CIP2A: variants seen among roughly 807,000 people sequenced by gnomAD.
CIP2A encodes the protein protein CIP2A.
A neutral mutation model predicts 110.9 loss-of-function variants in CIP2A; 103 were observed. The observed-to-expected ratio is 0.93, with a 90% CI of 0.79 to 1.09. CIP2A has a LOEUF of 1.09. Among genes scored for constraint, CIP2A ranks in the 50% least tolerant of loss-of-function variants. The probability of loss-of-function intolerance (pLI) is 0.00; values close to 1 mark genes in which losing one functional copy is unlikely to be tolerated. For missense variants in CIP2A, 1,088 were observed against 1,038.4 expected, an observed-to-expected ratio of 1.05 and a Z score of -0.66; for synonymous variants, 381 against 361.6, an observed-to-expected ratio of 1.05 and a Z score of -0.61.
At chr3:108,557,545 T>C (rs1278633804) in intron 16 of CIP2A, 131 bp from the exon 17 acceptor site, 1 of 564,082 alleles carries the variant, frequency 1.8e-6, no homozygotes, top group East Asian at 2.8e-5. Flanking sequence ...GCTGTATTAG[T>C]CACATATACT....
At position 108,559,808 on chromosome 3, in the gene CIP2A, A is replaced by T. The variant is rs1255662588; in HGVS notation, c.1962T>A (p.Ala654=). 2 of 1,605,680 alleles carry T rather than the reference A, an allele frequency of 1.2e-6. No individual in the cohort carries two copies. Among genetic ancestry groups the T allele is most frequent in the Non-Finnish European group, 1.7e-6 (2 of 1,173,538 alleles). The change falls in exon 16 of 21, where the codon GCT becomes GCA. Residue 654 remains alanine, a synonymous_variant. Coordinates refer to ENST00000295746, the MANE Select transcript of CIP2A (RefSeq NM_020890.3). ...LETKALALAQ[A]DRLIAQHRCQ... ...AGCGATGCTGAGCAATCAGTCTATC[A>T]GCCTGTGCAAGGGCTAGAGCTTTTG... is the stretch of plus-strand genomic sequence containing the variant.
At chr3:108,562,821 C>G (rs866341105) in intron 13 of CIP2A, among the ~76,000 whole-genome samples, 3 of 152,012 alleles carry the variant, frequency 2.0e-5, no homozygotes, top group Non-Finnish European at 4.4e-5. Context: ...TATGGAGGAA[C>G]TAAACTGGGA....
intron 8 of CIP2A, among the ~76,000 whole-genome samples, chr3:108,571,559 C>G (rs1275224821): frequency 6.6e-6 from 1 of 152,042 alleles, no homozygotes; most frequent in Non-Finnish European, 1.5e-5. Context: ...ACCATATGTC[C>G]GTTATAAACA....
intron 16 of CIP2A, among the ~76,000 whole-genome samples, chr3:108,558,880 C>CT (rs1937902391): frequency 1.3e-5 from 2 of 152,092 alleles, no homozygotes; most frequent in East Asian, 3.8e-4. Flanking sequence ...GGATTGAGGC[C>CT]TATATAGTTA....
chr3:108,557,506 A>G (rs1401081107), intron 16 of CIP2A, 92 bp from the exon 17 acceptor site: 3 of 926,664 alleles, frequency 3.2e-6, no homozygotes, highest in Non-Finnish European at 3.1e-6. Context: ...TAAGTATCTA[A>G]TAAGCTGGTA....
chr3:108,571,968 T>C (rs778197288), intron 8 of CIP2A, among the ~76,000 whole-genome samples: 22 of 152,136 alleles, frequency 1.4e-4, no homozygotes, highest in Non-Finnish European at 2.2e-4. Flanking sequence ...TCCCTTAAGA[T>C]TGATAAAGTG....
chr3:108,567,025 G>GGCCCCAC (rs2107332646), intron 10 of CIP2A, among the ~76,000 whole-genome samples: 1 of 151,728 alleles, frequency 6.6e-6, no homozygotes, highest in African/African-American at 2.4e-5. Context: ...TCAATGAGAA[G>GGCCCCAC]GCCCCACTTT....
At chr3:108,574,060 A>C (rs776134209) in intron 8 of CIP2A, among the ~76,000 whole-genome samples, 20 of 152,176 alleles carry the variant, frequency 1.3e-4, no homozygotes, top group South Asian at 4.1e-4. Context: ...ATCTATGTTA[A>C]AATCAAGGCA....
At chr3:108,562,993 T>C in intron 13 of CIP2A, 133 bp downstream of exon 13, 1 of 636,432 alleles carries the variant, frequency 1.6e-6, no homozygotes. Context: ...TTTTTAGAAA[T>C]CACTTGAAAA....
At chr3:108,561,724 AAT>A (rs1938014019) in intron 13 of CIP2A, among the ~76,000 whole-genome samples, 1 of 152,146 alleles carries the variant, frequency 6.6e-6, no homozygotes, top group Non-Finnish European at 1.5e-5. Context: ...ATGCATCCAT[AAT>A]ATACATTCAG....
At chr3:108,580,812 A>G (rs1347603415) in intron 5 of CIP2A, among the ~76,000 whole-genome samples, 2 of 152,046 alleles carry the variant, frequency 1.3e-5, no homozygotes, top group African/African-American at 2.4e-5. Flanking sequence ...GTATTTTGGT[A>G]GAGACAGGGT....
chr3:108,580,381 TTTAA>T (rs147863209), intron 5 of CIP2A, among the ~76,000 whole-genome samples: 30,555 of 151,358 alleles, frequency 0.2, 3,645 homozygotes, highest in East Asian at 0.44. Flanking sequence ...CTTCCTTATA[TTTAA>T]GTGTTTCCTA....
chr3:108,585,829 A>T (rs1939023875), intron 1 of CIP2A: 4 of 450,962 alleles, frequency 8.9e-6, no homozygotes, highest in South Asian at 6.3e-5. Context: ...GAAAAATTTT[A>T]TTTCTGATTA....
Position 108,585,817 on chromosome 3 carries a change from T to C in CIP2A, c.103-605A>G, listed in dbSNP as rs565246352. ...TTTTTTTAAGTAGCCAGGCAAGGCA[T>C]TGAAAAATTTTATTTCTGATTATTC... is the stretch of plus-strand genomic sequence containing the variant. On this transcript the variant is annotated intron_variant, in intron 1 of 20. Transcript: ENST00000295746. 29 of 449,960 alleles carry C rather than the reference T, an allele frequency of 6.4e-5. 1 individual carries two copies. The highest frequency in any genetic ancestry group is 4.2e-4 in the African/African-American group (21 of 49,582). The allele number at this position is 449,960 out of a possible 1,614,324, so 27.9% of individuals were successfully genotyped here.
intron 8 of CIP2A, among the ~76,000 whole-genome samples, chr3:108,574,185 T>C (rs2107348111): frequency 6.6e-6 from 1 of 152,106 alleles, no homozygotes; most frequent in African/African-American, 2.4e-5. Context: ...GACAACGCAT[T>C]AAACAAATGA....
chr3:108,584,559 T>C (rs181118480), intron 2 of CIP2A, among the ~76,000 whole-genome samples: 7 of 152,318 alleles, frequency 4.6e-5, no homozygotes, highest in African/African-American at 1.7e-4. Flanking sequence ...CCTTAGTCTA[T>C]TACCCACACT....
chr3:108,576,361 A>C lies in CIP2A; in HGVS notation c.819-15T>G, dbSNP rs754485122. 7.8e-7 allele frequency: 1 copy of C among 1,284,928 alleles called. No individual in the cohort carries two copies. The highest frequency in any genetic ancestry group is 1.4e-5 in the South Asian group (1 of 73,594). The allele number at this position is 1,284,928 out of a possible 1,614,324, so 79.6% of individuals were successfully genotyped here. ...AGTGCTCATATCTAGGTTTAGAATAAAAATATACATCAAATGATAAATATA... is the reference window on the plus strand; with the variant it reads ...AGTGCTCATATCTAGGTTTAGAATACAAATATACATCAAATGATAAATATA... On this transcript the variant is annotated splice_polypyrimidine_tract_variant and intron_variant, in intron 7 of 20. Coordinates refer to ENST00000295746, the MANE Select transcript of CIP2A (RefSeq NM_020890.3).
Position 108,564,444 on chromosome 3 carries a change from T to C in CIP2A, c.1515+911A>G, listed in dbSNP as rs1235918861. 5.3e-5 allele frequency among the ~76,000 whole-genome samples: 8 copies of C among 152,106 alleles called. No individual in the cohort carries two copies. In the East Asian group the frequency reaches 9.6e-4, roughly 18 times the overall value. On this transcript the variant is annotated intron_variant, in intron 12 of 20. Coordinates refer to ENST00000295746, the MANE Select transcript of CIP2A (RefSeq NM_020890.3). The stretch of plus-strand genomic sequence containing the variant: ...ACATCTGTTGTAAAGGTAGGTGTTG[T>C]AGATATTATTACACAAAGTTTTTAA...
Position 108,569,618 on chromosome 3 carries a change from T to G in CIP2A, c.895-11A>C. 6.3e-7 allele frequency: 1 copy of G among 1,599,958 alleles called. No homozygotes were observed. Among genetic ancestry groups the G allele is most frequent in the Non-Finnish European group, 8.6e-7 (1 of 1,168,906 alleles). ...AAGTAATTCTAAAACCTGTGCAATA[T>G]AAAGTGTTCATTAAACATCAATTTC... On this transcript the variant is annotated splice_polypyrimidine_tract_variant and intron_variant, in intron 8 of 20. Transcript: ENST00000295746.
Sources: gnomAD v4.1 joint callset for allele counts (sites outside exome capture counted in the v4.1 genomes callset) on GRCh38, gnomAD v4.1.1 for gene constraint, MANE v1.5 for transcripts, NCBI Gene and HGNC (gene_info 2026-07-23, HGNC 2026-07-21) for gene names.